SEMA7A: variants seen among roughly 807,000 people sequenced by gnomAD.
SEMA7A encodes semaphorin-7A.
Under a neutral mutation model 67.5 loss-of-function variants are expected in SEMA7A, and 21 were observed. That is an observed-to-expected ratio of 0.31 (90% CI 0.22 to 0.45). SEMA7A has a LOEUF of 0.45. Among genes scored for constraint, SEMA7A ranks in the 20% least tolerant of loss-of-function variants. The pLI is 1.00. For missense variants in SEMA7A, 774 were observed against 908.6 expected (o/e 0.85, Z 1.90); for synonymous variants, 364 against 368.5 (o/e 0.99, Z 0.14).
chr15:74,426,323 A>G (rs1245644235), intron 1 of SEMA7A, among the ~76,000 whole-genome samples: 9 of 152,148 alleles, frequency 5.9e-5, no homozygotes, highest in African/African-American at 2.2e-4. Flanking sequence ...ACTTGTTTTA[A>G]TAACACCATG....
At chr15:74,412,843 T>C (rs1012487469) in intron 10 of SEMA7A, among the ~76,000 whole-genome samples, 1 of 152,184 alleles carries the variant, frequency 6.6e-6, no homozygotes, top group African/African-American at 2.4e-5. Context: ...TTTTATAAAA[T>C]CTTAGATCTA....
intron 2 of SEMA7A, among the ~76,000 whole-genome samples, chr15:74,418,538 C>T (rs1452948420): frequency 6.6e-6 from 1 of 152,202 alleles, no homozygotes; most frequent in African/African-American, 2.4e-5. Flanking sequence ...GCTCTGGGGC[C>T]CAGCTTCCAG....
Position 74,423,135 on chromosome 15 carries a change from G to A in SEMA7A, c.179-4183C>T, listed in dbSNP as rs946921238. Among the ~76,000 whole-genome samples, 19 of 152,174 alleles carry A rather than the reference G, an allele frequency of 1.2e-4. No homozygotes were observed. Among genetic ancestry groups the A allele is most frequent in the African/African-American group, 2.7e-4 (11 of 41,440 alleles). ...TAAGTCAGGCAGTCAGAGAGGCCCCGGGCCAAAGAGCAGAAAGCAGGCCGA... is the reference window on the plus strand; with the variant it reads ...TAAGTCAGGCAGTCAGAGAGGCCCCAGGCCAAAGAGCAGAAAGCAGGCCGA... On this transcript the variant is annotated intron_variant, in intron 1 of 13. Transcript: ENST00000261918. The surrounding 1 kb of genome is among the most constrained non-coding windows in gnomAD (Gnocchi z 4.1).
Position 74,410,859 on chromosome 15 carries a change from G to A in SEMA7A, c.1766C>T (p.Pro589Leu). ...HKENVEQSCE[P>L]GHQSPNCILF... ...GATGCAGTTGGGGCTCTGGTGACCA[G>A]GTTCGCAGCTCTGCTCCACGTTCTC... Residue 589 changes from proline to leucine, a missense_variant, in exon 14 of 14, where the codon CCT (proline) becomes CTT (leucine). This residue lies in a region of SEMA7A where 427 missense variants were observed against 555.4 expected (regional missense o/e 0.77). Coordinates refer to ENST00000261918, the MANE Select transcript of SEMA7A (RefSeq NM_003612.5). This position sits in a 1 kb window ranked among gnomAD's most constrained non-coding sequence, Gnocchi z 7.5. 6.2e-7 allele frequency: 1 copy of A among 1,614,240 alleles called. No individual in the cohort carries two copies.
At position 74,409,704 on chromosome 15, in the gene SEMA7A, G is replaced by A. The variant is rs1427562085; in HGVS notation, c.*920C>T. ...CTTCCAAATGAACACGGTGAAACTAGGGCTCAGTTTTCTCCTTCATTCTCC... is the reference window on the plus strand; with the variant it reads ...CTTCCAAATGAACACGGTGAAACTAAGGCTCAGTTTTCTCCTTCATTCTCC... On this transcript the variant is annotated 3_prime_UTR_variant, in exon 14 of 14. Transcript: ENST00000261918. 6.8e-6 allele frequency: 1 copy of A among 146,218 alleles called. No homozygotes were observed. The highest frequency in any genetic ancestry group is 2.0e-4 in the East Asian group (1 of 4,950). 9.1% of individuals were successfully genotyped at this position (146,218 alleles called of 1,614,324 possible). A position where few individuals can be genotyped will look rare whatever the true frequency, so the allele number is the denominator to read the frequency against.
chr15:74,433,231 A>G (rs1596204048), intron 1 of SEMA7A, among the ~76,000 whole-genome samples: 1 of 140,844 alleles, frequency 7.1e-6, no homozygotes, highest in African/African-American at 2.5e-5. Flanking sequence ...GGGCGGGGGC[A>G]GGCGGCGGGG....
intron 1 of SEMA7A, among the ~76,000 whole-genome samples, chr15:74,429,787 G>T (rs1442798129): frequency 2.0e-5 from 3 of 152,084 alleles, no homozygotes; most frequent in Non-Finnish European, 2.9e-5. Context: ...TCACATGGGG[G>T]CCCCTCACAT....
intron 1 of SEMA7A, among the ~76,000 whole-genome samples, chr15:74,422,049 G>A (rs921923087): frequency 2.0e-5 from 3 of 152,198 alleles, no homozygotes; most frequent in African/African-American, 7.2e-5. Context: ...GTGGCTGTAT[G>A]GAGGACAGAG....
Position 74,414,740 on chromosome 15 carries a change from G to A in SEMA7A, c.1101C>T (p.Leu367=), listed in dbSNP as rs1388783724. 2 of 1,614,148 alleles carry A rather than the reference G, an allele frequency of 1.2e-6. No homozygotes were observed. Among genetic ancestry groups the A allele is most frequent in the Non-Finnish European group, 1.7e-6 (2 of 1,180,046 alleles). ...CTGTGGGTATCGGCTGCTGGTCTGG[G>A]AGGCACTGGGCAAGGAGAGCAGGCC... ...SLPNPRPGKC[L]PDQQPIPTET... The change falls in exon 10 of 14, where the codon CTC becomes CTT. Residue 367 remains leucine, a synonymous_variant. Transcript: ENST00000261918. This position sits in a 1 kb window ranked among gnomAD's most constrained non-coding sequence, Gnocchi z 4.1.
chr15:74,410,424 C>T lies in SEMA7A; in HGVS notation c.*200G>A. 1.5e-6 allele frequency: 1 copy of T among 648,604 alleles called. No individual in the cohort carries two copies. The highest frequency in any genetic ancestry group is 2.5e-6 in the Non-Finnish European group (1 of 395,394). 40.2% of individuals were successfully genotyped at this position (648,604 alleles called of 1,614,324 possible). On this transcript the variant is annotated 3_prime_UTR_variant, in exon 14 of 14. Transcript: ENST00000261918. This position sits in a 1 kb window ranked among gnomAD's most constrained non-coding sequence, Gnocchi z 7.5. ...TCACAGTCGGTGCCCTCATTCTCAG[C>T]CCCTCACCATCCGTGCGCCACCTGG...
intron 1 of SEMA7A, among the ~76,000 whole-genome samples, chr15:74,433,274 C>T (rs970673854): frequency 2.0e-5 from 3 of 151,564 alleles, no homozygotes; most frequent in South Asian, 2.1e-4. Flanking sequence ...GCGGCGGCGG[C>T]GGCAAGGGGT....
intron 1 of SEMA7A, among the ~76,000 whole-genome samples, chr15:74,427,922 G>A (rs576765486): frequency 6.6e-4 from 101 of 152,314 alleles, no homozygotes; most frequent in Non-Finnish European, 9.6e-4. Flanking sequence ...CAGAGGAGCC[G>A]AACACAGACC....
At chr15:74,425,698 T>C (rs2141287812) in intron 1 of SEMA7A, among the ~76,000 whole-genome samples, 1 of 152,118 alleles carries the variant, frequency 6.6e-6, no homozygotes, top group Non-Finnish European at 1.5e-5. Context: ...ATAAGCTGGG[T>C]TTTCTCACAC....
rs2061017769 is a variant in SEMA7A at position 74,423,513 on chromosome 15, G to C, written c.179-4561C>G. 6.6e-6 allele frequency among the ~76,000 whole-genome samples: 1 copy of C among 152,076 alleles called. No homozygotes were observed. The highest frequency in any genetic ancestry group is 2.4e-5 in the African/African-American group (1 of 41,390). On this transcript the variant is annotated intron_variant, in intron 1 of 13. Coordinates refer to ENST00000261918, the MANE Select transcript of SEMA7A (RefSeq NM_003612.5). The surrounding 1 kb of genome is among the most constrained non-coding windows in gnomAD (Gnocchi z 4.1). ...CCAGGATCACATCCTGGGCTTCCTG[G>C]AGAGCCTCTGATTTGCAAAAAGCTG...
intron 1 of SEMA7A, among the ~76,000 whole-genome samples, chr15:74,426,814 G>A (rs1320147631): frequency 3.3e-5 from 5 of 152,156 alleles, no homozygotes; most frequent in Non-Finnish European, 5.9e-5. Flanking sequence ...TGACCACAGT[G>A]AAGGGCAGAG....
At chr15:74,429,006 C>T (rs993411449) in intron 1 of SEMA7A, among the ~76,000 whole-genome samples, 3 of 152,188 alleles carry the variant, frequency 2.0e-5, no homozygotes, top group Admixed American at 6.5e-5. Flanking sequence ...GCTGGCCATA[C>T]ACCTGGTGGC....
rs1463790196 is a variant in SEMA7A, at chr15:74,416,663, T to C, written c.713A>G (p.Asp238Gly). The C allele has an allele frequency of 6.2e-7, 1 of 1,613,960 alleles. No individual in the cohort carries two copies. Among genetic ancestry groups the C allele is most frequent in the Non-Finnish European group, 8.5e-7 (1 of 1,179,972 alleles). ...TIVHQDQAYD[D>G]KIYYFFREDN... ...CTCTCGGAAGAAGTAGTAGATCTTG[T>C]CATCGTAAGCCTGGTCTTGGTGCAC... The change falls in exon 7 of 14, where the codon GAC (aspartate) becomes GGC (glycine). Residue 238 changes from aspartate to glycine, a missense_variant. By Grantham distance (94) the Asp-to-Gly change is moderately conservative. Coordinates refer to ENST00000261918, the MANE Select transcript of SEMA7A (RefSeq NM_003612.5).
At chr15:74,431,281 G>C (rs1182954718) in intron 1 of SEMA7A, among the ~76,000 whole-genome samples, 1 of 152,036 alleles carries the variant, frequency 6.6e-6, no homozygotes, top group African/African-American at 2.4e-5. Context: ...TGGAGCTCAA[G>C]GACACCCAGC....
intron 1 of SEMA7A, 94 bp downstream of exon 1, chr15:74,433,647 T>G (rs2061113790): frequency 1.2e-5 from 16 of 1,308,838 alleles, no homozygotes; most frequent in Non-Finnish European, 1.5e-5. Context: ...CCCGCAGAGC[T>G]GCGCGCACGC....
Sources: gnomAD v4.1 joint callset for allele counts (sites outside exome capture counted in the v4.1 genomes callset) on GRCh38, gnomAD v4.1.1 for gene constraint, gnomAD v4.1.1 regional missense constraint, Gnocchi (gnomAD v3.1) non-coding constraint, MANE v1.5 for transcripts, NCBI Gene and HGNC (gene_info 2026-07-23, HGNC 2026-07-21) for gene names.